Variants in AASS observed in about 807,000 individuals in gnomAD.
The protein encoded by AASS is aminoadipate-semialdehyde synthase.
Under a neutral mutation model 105.4 loss-of-function variants are expected in AASS, and 86 were observed. The observed-to-expected ratio is 0.82, with a 90% confidence interval of 0.69 to 0.98. The LOEUF is 0.98. Ranked by LOEUF, AASS falls within the 50% of genes least tolerant of loss-of-function variation. AASS has a pLI of 0.00. For missense variants in AASS, 1,048 were observed against 1,143.2 expected (o/e 0.92, Z 1.20); for synonymous variants, 381 against 394.8 (o/e 0.96, Z 0.41).
chr7:122,122,786 A>G (rs938975495), intron 4 of AASS, among the ~76,000 whole-genome samples: 2 of 152,164 alleles, frequency 1.3e-5, no homozygotes, highest in Admixed American at 1.3e-4. Context: ...CGTGGTATCT[A>G]TTGATTGATA....
chr7:122,091,632 C>G, intron 18 of AASS, 71 bp downstream of exon 18: 1 of 1,609,064 alleles, frequency 6.2e-7, no homozygotes, highest in South Asian at 1.1e-5. Flanking sequence ...GGTTTGGGAT[C>G]AGGGAGTATT....
At chr7:122,104,790 G>C (rs576001243) in intron 11 of AASS, among the ~76,000 whole-genome samples, 1 of 152,140 alleles carries the variant, frequency 6.6e-6, no homozygotes, top group South Asian at 2.1e-4. Flanking sequence ...TGGAGGATGG[G>C]AGGAGGGTGA....
At chr7:122,077,614 C>T (rs1434927261) in intron 23 of AASS, among the ~76,000 whole-genome samples, 1 of 152,180 alleles carries the variant, frequency 6.6e-6, no homozygotes, top group East Asian at 1.9e-4. Flanking sequence ...ATCACTCAGC[C>T]ACCTTGGAAC....
At chr7:122,096,776 T>C (rs1276119956) in intron 15 of AASS, among the ~76,000 whole-genome samples, 1 of 152,164 alleles carries the variant, frequency 6.6e-6, no homozygotes, top group African/African-American at 2.4e-5. Flanking sequence ...GGCCACTAGT[T>C]TGCTAAATTT....
chr7:122,140,903 A>C (rs1029534411), intron 1 of AASS, among the ~76,000 whole-genome samples: 1 of 152,170 alleles, frequency 6.6e-6, no homozygotes, highest in Non-Finnish European at 1.5e-5. Context: ...ATACAAGTAT[A>C]TATTAAAATC....
chr7:122,137,010 T>A (rs922621246), intron 1 of AASS, among the ~76,000 whole-genome samples: 2 of 152,214 alleles, frequency 1.3e-5, no homozygotes, highest in African/African-American at 2.4e-5. Flanking sequence ...AAGACAGAAG[T>A]GCCTGGGACT....
chr7:122,126,282 C>T, intron 4 of AASS, 93 bp downstream of exon 4: 3 of 1,076,336 alleles, frequency 2.8e-6, no homozygotes, highest in South Asian at 1.2e-5. Flanking sequence ...TGGAAATAAA[C>T]ACTCCTATCC....
chr7:122,113,202 A>G lies in AASS; in HGVS notation c.1194T>C (p.Cys398=). The G allele has an allele frequency of 6.2e-7, 1 of 1,614,080 alleles. No homozygotes were observed. The change falls in exon 11 of 24, where the codon TGT becomes TGC. Residue 398 remains cysteine (C), a synonymous_variant. Coordinates refer to ENST00000417368, the MANE Select transcript of AASS (RefSeq NM_005763.4). ...GCTGTGCCGGCAAATTGTCAATGGA[A>G]CACATCAGGATCCCCGAGCCTTCAA... ...DSVEGSGILM[C]SIDNLPAQLP... is the part of the protein sequence containing the mutation.
At chr7:122,129,899 G>A (rs1327374297) in intron 2 of AASS, among the ~76,000 whole-genome samples, 3 of 152,052 alleles carry the variant, frequency 2.0e-5, no homozygotes, top group Non-Finnish European at 2.9e-5. Flanking sequence ...TGATTTATTA[G>A]TTGTATTTTT....
At chr7:122,113,575 T>C (rs1267051653) in intron 10 of AASS, 23 bp downstream of exon 10, 2 of 1,612,478 alleles carry the variant, frequency 1.2e-6, no homozygotes, top group Admixed American at 1.7e-5. Flanking sequence ...AGGAATATCA[T>C]CTAACAACTT....
intron 1 of AASS, among the ~76,000 whole-genome samples, chr7:122,135,882 A>ATATACAGGTTCATTTC (rs1456555043): frequency 6.6e-6 from 1 of 152,122 alleles, no homozygotes. Flanking sequence ...AGGTTCATTT[A>ATATACAGGTTCATTTC]TTCCTATGCA....
chr7:122,099,824 A>G (rs1456411446), intron 13 of AASS, among the ~76,000 whole-genome samples: 3 of 151,880 alleles, frequency 2.0e-5, no homozygotes, highest in Non-Finnish European at 4.4e-5. Context: ...CTGTATCCCA[A>G]CACACATATT....
At chr7:122,092,035 G>GT (rs542238724) in intron 17 of AASS, among the ~76,000 whole-genome samples, 192 bp from the exon 18 acceptor site, 2 of 151,536 alleles carry the variant, frequency 1.3e-5, no homozygotes, top group East Asian at 1.9e-4. Flanking sequence ...TTATATATAT[G>GT]TTTTTTTAAA....
chr7:122,101,589 A>G, intron 12 of AASS, 32 bp downstream of exon 12: 2 of 1,585,608 alleles, frequency 1.3e-6, no homozygotes, highest in Non-Finnish European at 1.7e-6. Flanking sequence ...AAAAAAATAC[A>G]TTTATGAAAA....
intron 11 of AASS, among the ~76,000 whole-genome samples, chr7:122,108,246 AAAG>A (rs1390724684): frequency 6.6e-6 from 1 of 152,126 alleles, no homozygotes; most frequent in Non-Finnish European, 1.5e-5. Context: ...CCAAACATTT[AAAG>A]AAGATTTAAT....
intron 4 of AASS, among the ~76,000 whole-genome samples, chr7:122,122,814 C>CCTCTATTTCTCTCCTGATTTT (rs1469436538): frequency 4.6e-5 from 7 of 152,060 alleles, no homozygotes; most frequent in African/African-American, 1.7e-4. Flanking sequence ...GGACTGATTT[C>CCTCTATTTCTCTCCTGATTTT]CTCTATTTCT....
chr7:122,124,287 T>C (rs1170396671), intron 4 of AASS, among the ~76,000 whole-genome samples: 2 of 152,076 alleles, frequency 1.3e-5, no homozygotes, highest in Non-Finnish European at 2.9e-5. Flanking sequence ...TGTGTGTTTG[T>C]TTGTTTGTTT....
In AASS at chr7:122,133,607, G is replaced by A. The variant is rs1427999811; in HGVS notation, c.120C>T (p.Ala40=). The A allele has an allele frequency of 6.2e-7, 1 of 1,614,074 alleles. No individual in the cohort carries two copies. Among genetic ancestry groups the A allele is most frequent in the Non-Finnish European group, 8.5e-7 (1 of 1,180,018 alleles). ...REDVNAWERR[A]PLAPKHIKGI... ...CTTTGATGTGCTTGGGAGCTAGCGG[G>A]GCCCTTCTCTCCCAGGCGTTCACAT... Residue 40 remains alanine, a synonymous_variant, in exon 2 of 24, where the codon GCC becomes GCT. Transcript: ENST00000417368.
chr7:122,137,847 A>G (rs1796222820), intron 1 of AASS, among the ~76,000 whole-genome samples: 2 of 152,186 alleles, frequency 1.3e-5, no homozygotes, highest in Admixed American at 1.3e-4. Flanking sequence ...TGAAGGAAGG[A>G]GGGAAGATCA....
Sources: gnomAD v4.1 joint callset for allele counts (sites outside exome capture counted in the v4.1 genomes callset) on GRCh38, gnomAD v4.1.1 for gene constraint, MANE v1.5 for transcripts, NCBI Gene and HGNC (gene_info 2026-07-23, HGNC 2026-07-21) for gene names.